The following NF2 variants were observed in gnomAD, a reference collection of about 807,000 sequenced individuals.
NF2 encodes merlin.
A neutral mutation model predicts 83.7 loss-of-function variants in NF2; 8 were observed. The ratio of observed to expected loss-of-function variants is 0.10; its 90% confidence interval spans 0.06 to 0.17. NF2 has a LOEUF of 0.17. Ranked by LOEUF, NF2 falls within the 10% of genes least tolerant of loss-of-function variation. The pLI, the probability that NF2 is intolerant of heterozygous loss-of-function variation, is 1.00. For missense variants in NF2, 533 were observed against 744.4 expected, an observed-to-expected ratio of 0.72 and a Z score of 3.31; for synonymous variants, 266 against 269.6, an observed-to-expected ratio of 0.99 and a Z score of 0.13.
Position 29,636,495 on chromosome 22 carries a change from A to C in NF2, c.115-256A>C, listed in dbSNP as rs2531848. On this transcript the variant is annotated intron_variant, in intron 1 of 15. Transcript: ENST00000338641. This position sits in a 1 kb window ranked among gnomAD's most constrained non-coding sequence, Gnocchi z 4.4. The stretch of plus-strand genomic sequence containing the variant: ...CTTTCCTAAATTAGCAGCTTTGGAG[A>C]TGTTAAAATCCGTAAGGAACTGTCC... Among the ~76,000 whole-genome samples, 22,589 of 152,166 alleles carry C rather than the reference A, an allele frequency of 0.15. 2,381 individuals carry two copies. The highest frequency in any genetic ancestry group is 0.57 in the East Asian group (2,915 of 5,148).
rs994080977 is a variant in NF2 at position 29,695,006 on chromosome 22, C to T, written c.*204C>T. ...GACCCTGTAGAGATTTCTCTCATGG[C>T]GTTCTAGTTCTCTGACCTGAGTCTT... On this transcript the variant is annotated 3_prime_UTR_variant, in exon 16 of 16. Transcript: ENST00000338641. The surrounding 1 kb of genome is among the most constrained non-coding windows in gnomAD (Gnocchi z 5.4). 2.2e-5 allele frequency: 14 copies of T among 633,996 alleles called. No individual in the cohort carries two copies. Among genetic ancestry groups the T allele is most frequent in the Non-Finnish European group, 3.7e-5 (13 of 354,410 alleles). 39.3% of individuals were successfully genotyped at this position (633,996 alleles called of 1,614,324 possible). A position where few individuals can be genotyped will look rare whatever the true frequency, so the allele number is the denominator to read the frequency against.
At chr22:29,653,538 A>C (rs2066215014) in intron 4 of NF2, among the ~76,000 whole-genome samples, 1 of 152,140 alleles carries the variant, frequency 6.6e-6, no homozygotes. Context: ...TAATTATGAG[A>C]TTCAAAAGAA....
chr22:29,682,247 A>G (rs1313955003), intron 15 of NF2, among the ~76,000 whole-genome samples: 1 of 152,116 alleles, frequency 6.6e-6, no homozygotes, highest in Non-Finnish European at 1.5e-5. Flanking sequence ...TCTCATACCA[A>G]ATAATGCTCT....
At chr22:29,639,850 C>T (rs2065755072) in intron 3 of NF2, among the ~76,000 whole-genome samples, 2 of 136,332 alleles carry the variant, frequency 1.5e-5, no homozygotes, top group Admixed American at 7.7e-5. Context: ...CCACTGCACT[C>T]CAGCTTGGGC....
At chr22:29,608,172 CAAA>C (rs570144418) in intron 1 of NF2, among the ~76,000 whole-genome samples, 34 of 31,706 alleles carry the variant, frequency 1.1e-3, no homozygotes, top group Middle Eastern at 0.062. Flanking sequence ...GACTCTGTCT[CAAA>C]AAAAAAAAAA....
intron 11 of NF2, among the ~76,000 whole-genome samples, chr22:29,672,763 G>A (rs529728154): frequency 6.7e-6 from 1 of 150,314 alleles, no homozygotes; most frequent in Non-Finnish European, 1.5e-5. Flanking sequence ...TTACAGGTGC[G>A]CGCCAACACA....
At chr22:29,645,047 C>G (rs1021131331) in intron 4 of NF2, among the ~76,000 whole-genome samples, 40 of 152,190 alleles carry the variant, frequency 2.6e-4, no homozygotes, top group Admixed American at 1.3e-3. Context: ...GAAGCCATTT[C>G]CCTTAAGGTT....
At chr22:29,648,162 A>G (rs2530667) in intron 4 of NF2, among the ~76,000 whole-genome samples, 54,820 of 150,784 alleles carry the variant, frequency 0.36, 10,884 homozygotes, top group Non-Finnish European at 0.47. Context: ...AAATAAATAA[A>G]TAAAGTAAAA....
At chr22:29,613,320 A>G (rs2065001713) in intron 1 of NF2, among the ~76,000 whole-genome samples, 1 of 152,192 alleles carries the variant, frequency 6.6e-6, no homozygotes, top group Non-Finnish European at 1.5e-5. Context: ...ACTTGAGGAC[A>G]GGAGTTCGAG....
intron 1 of NF2, among the ~76,000 whole-genome samples, chr22:29,610,182 A>G (rs965636575): frequency 4.6e-5 from 7 of 152,004 alleles, no homozygotes; most frequent in Non-Finnish European, 1.0e-4. Context: ...TAAAATATAC[A>G]TACTATATCT....
chr22:29,692,240 C>T (rs59172206), intron 15 of NF2, among the ~76,000 whole-genome samples: 1,876 of 152,308 alleles, frequency 0.012, 35 homozygotes, highest in African/African-American at 0.038. Context: ...GGCTCTCTCT[C>T]CTGCCCAGTG....
In NF2 at chr22:29,696,912, G is replaced by A. The variant is rs1395875151; in HGVS notation, c.*2110G>A. 3.3e-5 allele frequency: 6 copies of A among 181,398 alleles called. No homozygotes were observed. Among genetic ancestry groups the A allele is most frequent in the African/African-American group, 2.4e-5 (1 of 42,232 alleles). 11.2% of individuals were successfully genotyped at this position (181,398 alleles called of 1,614,324 possible). Reference sequence around the variant, plus strand: ...GCTCACTGCAACCTCCGCCTCCCAGGTACAAGAGATTCTCCTGCCTCAGCC... The same window carrying A: ...GCTCACTGCAACCTCCGCCTCCCAGATACAAGAGATTCTCCTGCCTCAGCC... On this transcript the variant is annotated 3_prime_UTR_variant, in exon 16 of 16. Transcript: ENST00000338641.
chr22:29,615,732 C>T (rs1187268225), intron 1 of NF2, among the ~76,000 whole-genome samples: 1 of 151,988 alleles, frequency 6.6e-6, no homozygotes, highest in Non-Finnish European at 1.5e-5. Flanking sequence ...GAGACCCAGT[C>T]TCAAAAAAGA....
intron 15 of NF2, among the ~76,000 whole-genome samples, chr22:29,687,332 A>G (rs561352049): frequency 6.6e-6 from 1 of 152,320 alleles, no homozygotes; most frequent in Non-Finnish European, 1.5e-5. Flanking sequence ...GAGCCTTGAC[A>G]TTTATCTCAA....
intron 1 of NF2, among the ~76,000 whole-genome samples, chr22:29,613,853 G>C (rs1221412339): frequency 6.6e-6 from 1 of 151,222 alleles, no homozygotes; most frequent in African/African-American, 2.4e-5. Context: ...TCCGCCTCCT[G>C]GGTTCAAGTG....
intron 15 of NF2, chr22:29,683,409 C>T: frequency 2.3e-6 from 3 of 1,287,758 alleles, no homozygotes; most frequent in Non-Finnish European, 3.0e-6. Flanking sequence ...TGGTGGCATA[C>T]TCCTAGCATG....
At chr22:29,659,931 G>A (rs1038884523) in intron 7 of NF2, among the ~76,000 whole-genome samples, 1 of 152,204 alleles carries the variant, frequency 6.6e-6, no homozygotes, top group East Asian at 1.9e-4. Context: ...GATGTTAGGA[G>A]TAAAAAGATT....
At chr22:29,673,192 A>G in intron 11 of NF2, 77 bp from the exon 12 acceptor site, 1 of 1,464,914 alleles carries the variant, frequency 6.8e-7, no homozygotes, top group South Asian at 1.2e-5. Flanking sequence ...GGTTTGTCCC[A>G]TCTCAGTGTT....
intron 1 of NF2, among the ~76,000 whole-genome samples, chr22:29,614,661 C>T (rs370497246): frequency 1.1e-4 from 16 of 151,270 alleles, no homozygotes; most frequent in African/African-American, 2.7e-4. Context: ...GCAGGAGAAT[C>T]GCTTGAACCC....
Sources: gnomAD v4.1 joint callset for allele counts (sites outside exome capture counted in the v4.1 genomes callset) on GRCh38, gnomAD v4.1.1 for gene constraint, Gnocchi (gnomAD v3.1) non-coding constraint, MANE v1.5 for transcripts, NCBI Gene and HGNC (gene_info 2026-07-23, HGNC 2026-07-21) for gene names.